The following ITGAM variants were observed in gnomAD, a reference collection of about 807,000 sequenced individuals.
ITGAM encodes integrin subunit alpha M.
Under a neutral mutation model 137.5 loss-of-function variants are expected in ITGAM, and 79 were observed. The observed-to-expected ratio is 0.57, with a 90% CI of 0.48 to 0.69. The LOEUF is 0.69. Among genes scored for constraint, ITGAM ranks in the 30% least tolerant of loss-of-function variants. ITGAM has a pLI of 0.00. For synonymous variants in ITGAM, 583 were observed against 592.3 expected (o/e 0.98, Z 0.23); for missense variants, 1,343 against 1,483.5 (o/e 0.91, Z 1.56).
intron 16 of ITGAM, among the ~76,000 whole-genome samples, chr16:31,322,819 GC>G (rs1435688303): frequency 6.6e-6 from 1 of 152,106 alleles, no homozygotes; most frequent in Non-Finnish European, 1.5e-5. Flanking sequence ...ACCAAAAATC[GC>G]ACTGACTGAA....
In ITGAM at chr16:31,329,820, G is replaced by A; in HGVS notation, c.2891G>A (p.Ser964Asn). Residue 964 changes from serine to asparagine, a missense_variant, in exon 25 of 30, where the codon AGC becomes AAC. Ser to Asn is a conservative substitution (Grantham distance 46). Coordinates refer to ENST00000544665, the MANE Select transcript of ITGAM (RefSeq NM_000632.4). ...CAGGTCAGCAACCTGGGGCAGAGGA[G>A]CCTCCCCATCAGCCTGGTGTTCTTG... is the stretch of plus-strand genomic sequence containing the variant. ...QYQVSNLGQR[S>N]LPISLVFLVP... The A allele has an allele frequency of 6.4e-7, 1 of 1,558,560 alleles. No homozygotes were observed. The highest frequency in any genetic ancestry group is 8.7e-7 in the Non-Finnish European group (1 of 1,151,124).
At chr16:31,305,343 T>C (rs551516145) in intron 14 of ITGAM, among the ~76,000 whole-genome samples, 2 of 152,166 alleles carry the variant, frequency 1.3e-5, no homozygotes, top group East Asian at 3.8e-4. Context: ...TTATCAGATC[T>C]AGGAATCTTT....
chr16:31,263,978 G>GTA (rs2079735308), intron 2 of ITGAM, among the ~76,000 whole-genome samples: 1 of 151,762 alleles, frequency 6.6e-6, no homozygotes, highest in Non-Finnish European at 1.5e-5. Context: ...TGGGACTACA[G>GTA]GTGCGTGCCA....
At chr16:31,307,816 T>C (rs556965657) in intron 14 of ITGAM, among the ~76,000 whole-genome samples, 18 of 152,158 alleles carry the variant, frequency 1.2e-4, no homozygotes, top group African/African-American at 1.9e-4. Context: ...TTTTGAGATA[T>C]GTCCTATCAG....
intron 12 of ITGAM, among the ~76,000 whole-genome samples, chr16:31,293,735 A>G (rs998530571): frequency 1.3e-5 from 2 of 152,128 alleles, no homozygotes; most frequent in Non-Finnish European, 2.9e-5. Context: ...TTTTGATTCC[A>G]TATGAATTTT....
intron 14 of ITGAM, among the ~76,000 whole-genome samples, chr16:31,319,686 G>C (rs4889647): frequency 0.33 from 50,464 of 151,998 alleles, 9,887 homozygotes; most frequent in East Asian, 0.69. Context: ...ATTTACTACT[G>C]CCATTTTGTT....
At chr16:31,261,482 A>G (rs2079698642) in intron 1 of ITGAM, among the ~76,000 whole-genome samples, 2 of 151,070 alleles carry the variant, frequency 1.3e-5, no homozygotes, top group Non-Finnish European at 1.5e-5. Flanking sequence ...ACACCCAGCC[A>G]TTGCTTTCTT....
intron 12 of ITGAM, among the ~76,000 whole-genome samples, chr16:31,283,159 C>T (rs1477913013): frequency 6.6e-6 from 1 of 152,140 alleles, no homozygotes; most frequent in Non-Finnish European, 1.5e-5. Flanking sequence ...ACATTTTTTC[C>T]TCCATTTCAA....
At chr16:31,317,470 A>G (rs897720531) in intron 14 of ITGAM, among the ~76,000 whole-genome samples, 1 of 152,146 alleles carries the variant, frequency 6.6e-6, no homozygotes, top group Non-Finnish European at 1.5e-5. Flanking sequence ...AAGCAAAATG[A>G]TGGTTGCCTA....
intron 12 of ITGAM, among the ~76,000 whole-genome samples, chr16:31,285,704 C>A (rs1303314020): frequency 6.6e-6 from 1 of 152,042 alleles, no homozygotes; most frequent in Non-Finnish European, 1.5e-5. Flanking sequence ...GCATACATTG[C>A]ATGTTGCTGA....
At chr16:31,314,823 T>C (rs2080373425) in intron 14 of ITGAM, among the ~76,000 whole-genome samples, 1 of 123,770 alleles carries the variant, frequency 8.1e-6, no homozygotes, top group Admixed American at 7.4e-5. Context: ...GAGGCAGGGT[T>C]TTTTTTTTTT....
At position 31,328,128 on chromosome 16, in the gene ITGAM, GCT is replaced by G. The variant is rs1163193495; in HGVS notation, c.2709-16_2709-15del. 1.6e-5 allele frequency: 26 copies of G among 1,601,558 alleles called. No homozygotes were observed. The highest frequency in any genetic ancestry group is 1.9e-5 in the Non-Finnish European group (22 of 1,168,774). On this transcript the variant is annotated splice_polypyrimidine_tract_variant and intron_variant, in intron 22 of 29. Coordinates refer to ENST00000544665, the MANE Select transcript of ITGAM (RefSeq NM_000632.4). The stretch of plus-strand genomic sequence containing the variant: ...TGTCAGTTCTCAAGAGCCGGCTGGA[GCT>G]CTTTCTTTCCCTCCAGTGAGAACAA...
In ITGAM at chr16:31,330,524, G is replaced by A; in HGVS notation, c.3195G>A (p.Leu1065=). Reference sequence around the variant, plus strand: ...CACAGACCTCGCATAACCACCTCCTGATCGTGAGCACAGCTGAGATCTTGT... The same window carrying A: ...CACAGACCTCGCATAACCACCTCCTAATCGTGAGCACAGCTGAGATCTTGT... ...WYIKTSHNHL[L]IVSTAEILFN... Residue 1065 remains leucine (L), a synonymous_variant, in exon 28 of 30, where the codon CTG becomes CTA. Transcript: ENST00000544665. The A allele has an allele frequency of 3.1e-6, 5 of 1,613,770 alleles. No individual in the cohort carries two copies. The highest frequency in any genetic ancestry group is 4.2e-6 in the Non-Finnish European group (5 of 1,179,688).
Position 31,261,699 on chromosome 16 carries a change from C to T in ITGAM, c.36C>T (p.Thr12=), listed in dbSNP as rs769239433. ...CCCCCATTCTCCCTTTAGCCTTGAC[C>T]TTATGTCATGGGTTCAACTTGGACA... The part of the protein sequence containing the change: ...ALRVLLLTAL[T]LCHGFNLDTE... Residue 12 remains threonine (T), a synonymous_variant, in exon 2 of 30, where the codon ACC becomes ACT. Coordinates refer to ENST00000544665, the MANE Select transcript of ITGAM (RefSeq NM_000632.4). The T allele has an allele frequency of 1.9e-6, 3 of 1,609,112 alleles. No homozygotes were observed. In the East Asian group the frequency reaches 6.7e-5, roughly 36 times the overall value.
intron 23 of ITGAM, 155 bp from the exon 24 acceptor site, chr16:31,329,073 T>A: frequency 2.3e-6 from 1 of 426,236 alleles, no homozygotes; most frequent in Non-Finnish European, 4.5e-6. Flanking sequence ...ACACATTGGT[T>A]CCCCCATCCC....
chr16:31,327,813 A>G (rs1290839886), intron 22 of ITGAM, among the ~76,000 whole-genome samples: 3 of 152,034 alleles, frequency 2.0e-5, no homozygotes. Context: ...TCCCAAAATG[A>G]CTGACGGGTG....
At chr16:31,289,109 G>A (rs1389540243) in intron 12 of ITGAM, among the ~76,000 whole-genome samples, 3 of 152,000 alleles carry the variant, frequency 2.0e-5, no homozygotes, top group East Asian at 1.9e-4. Context: ...GAAACAACAC[G>A]TGCTGGAGAG....
intron 9 of ITGAM, among the ~76,000 whole-genome samples, chr16:31,276,200 G>T (rs1003125501): frequency 9.9e-5 from 15 of 152,182 alleles, no homozygotes; most frequent in African/African-American, 3.6e-4. Flanking sequence ...GGAGGTGAAT[G>T]GCTGCCATCC....
intron 14 of ITGAM, among the ~76,000 whole-genome samples, chr16:31,302,679 C>T (rs1170315206): frequency 2.7e-5 from 4 of 150,892 alleles, no homozygotes; most frequent in Non-Finnish European, 5.9e-5. Context: ...AGATGACAGG[C>T]GCCCGCCACT....
Sources: gnomAD v4.1 joint callset for allele counts (sites outside exome capture counted in the v4.1 genomes callset) on GRCh38, gnomAD v4.1.1 for gene constraint, MANE v1.5 for transcripts, NCBI Gene and HGNC (gene_info 2026-07-23, HGNC 2026-07-21) for gene names.